Variants in SLC29A1 observed in about 807,000 individuals in gnomAD.
The protein encoded by SLC29A1 is equilibrative nucleoside transporter 1.
A neutral mutation model predicts 48.3 loss-of-function variants in SLC29A1; 22 were observed. The ratio of observed to expected loss-of-function variants is 0.46; its 90% CI spans 0.33 to 0.65. The LOEUF (loss-of-function observed/expected upper bound fraction) is 0.65, where lower values mean the gene tolerates loss of function less well. Among genes scored for constraint, SLC29A1 ranks in the 30% least tolerant of loss-of-function variants. The pLI, the probability that SLC29A1 is intolerant of heterozygous loss-of-function variation, is 0.03. For missense variants in SLC29A1, 491 were observed against 575.3 expected, an observed-to-expected ratio of 0.85 and a Z score of 1.50; for synonymous variants, 228 against 231.0, an observed-to-expected ratio of 0.99 and a Z score of 0.12.
upstream of SLC29A1, among the ~76,000 whole-genome samples, chr6:44,222,391 C>T (rs1776552120): frequency 6.6e-6 from 1 of 152,128 alleles, no homozygotes; most frequent in Admixed American, 6.5e-5. Flanking sequence ...AGAAAAGCCA[C>T]CTCTCTCCTT....
intron 9 of SLC29A1, 111 bp from the exon 10 acceptor site, chr6:44,231,887 G>A (rs1778976220): frequency 5.3e-6 from 4 of 756,854 alleles, no homozygotes; most frequent in Non-Finnish European, 9.3e-6. Flanking sequence ...GCCTCCCAAA[G>A]TGCTGAGATT....
chr6:44,219,800 GGGGGGCCTGGCGGGGCGGGGTGGGGT>G, upstream of SLC29A1: 1 of 1,262,060 alleles, frequency 7.9e-7, no homozygotes, highest in Admixed American at 2.4e-5. Context: ...GGGCGGGGCC[GGGGGGCCTGGCGGGGCGGGGTGGGGT>G]GGGGGCGAGG....
At chr6:44,233,099 C>T (rs1171714354) in intron 12 of SLC29A1, 93 bp downstream of exon 12, 2 of 1,317,864 alleles carry the variant, frequency 1.5e-6, no homozygotes. Context: ...AAGGAGAGTC[C>T]CTGCTCCCAG....
chr6:44,224,747 G>T (rs982418712), intron 1 of SLC29A1, among the ~76,000 whole-genome samples: 2 of 152,170 alleles, frequency 1.3e-5, no homozygotes, highest in African/African-American at 4.8e-5. Flanking sequence ...TGGGAGTCTG[G>T]AGGCAGGGAG....
chr6:44,223,932 G>T lies in SLC29A1; in HGVS notation c.-52+291G>T. 4.0e-6 allele frequency: 4 copies of T among 990,686 alleles called. No homozygotes were observed. Among genetic ancestry groups the T allele is most frequent in the Non-Finnish European group, 3.6e-6 (3 of 833,486 alleles). The allele number at this position is 990,686 out of a possible 1,614,324, so 61.4% of individuals were successfully genotyped here. ...TGACCTCCGCAAGGGGCAGGCGAGT[G>T]GACGGGTGATCCCCATCGATCTGGT... On this transcript the variant is annotated intron_variant, in intron 1 of 12. Coordinates refer to ENST00000371755, the MANE Select transcript of SLC29A1 (RefSeq NM_001372327.1). This position sits in a 1 kb window ranked among gnomAD's most constrained non-coding sequence, Gnocchi z 5.0.
chr6:44,228,894 C>T (rs1205846156), intron 2 of SLC29A1, among the ~76,000 whole-genome samples: 1 of 152,220 alleles, frequency 6.6e-6, no homozygotes, highest in East Asian at 1.9e-4. Context: ...CCCACCTGCC[C>T]TGTAGGTCCA....
chr6:44,221,691 T>C (rs1443831831), upstream of SLC29A1: 6 of 1,281,186 alleles, frequency 4.7e-6, no homozygotes, highest in Admixed American at 4.6e-5. The surrounding 1 kb of genome is among the most constrained non-coding windows in gnomAD (Gnocchi z 4.2). Flanking sequence ...CCTGTGTAAG[T>C]TGGGGCTCCC....
At chr6:44,233,230 G>A (rs114197829) in intron 12 of SLC29A1, among the ~76,000 whole-genome samples, 187 bp from the exon 13 acceptor site, 1,850 of 152,272 alleles carry the variant, frequency 0.012, 38 homozygotes, top group African/African-American at 0.042. Flanking sequence ...AGGAGTGAAA[G>A]ACAACCCCAC....
rs1488507417 is a variant in SLC29A1 at position 44,232,117 on chromosome 6, C to T, written c.973+11C>T. ...GCAGCAGCACCTGGGGTGAGGATGC[C>T]ACAGGTTTCCAGGATGGGAACAGAC... is the stretch of plus-strand genomic sequence containing the variant. On this transcript the variant is annotated intron_variant, in intron 10 of 12. Coordinates refer to ENST00000371755, the MANE Select transcript of SLC29A1 (RefSeq NM_001372327.1). The surrounding 1 kb of genome is among the most constrained non-coding windows in gnomAD (Gnocchi z 4.7). 2.5e-6 allele frequency: 4 copies of T among 1,594,676 alleles called. No individual in the cohort carries two copies. Among genetic ancestry groups the T allele is most frequent in the Non-Finnish European group, 3.4e-6 (4 of 1,162,420 alleles).
Position 44,233,839 on chromosome 6 carries a change from C to T in SLC29A1, c.*311C>T. 1 of 399,000 alleles carries T rather than the reference C, an allele frequency of 2.5e-6. No homozygotes were observed. The highest frequency in any genetic ancestry group is 4.6e-6 in the Non-Finnish European group (1 of 215,584). The allele number at this position is 399,000 out of a possible 1,614,324, so 24.7% of individuals were successfully genotyped here. On this transcript the variant is annotated 3_prime_UTR_variant, in exon 13 of 13. Transcript: ENST00000371755. ...AGTGGAGGCTCTTGGGCTTGGAGAA[C>T]ACGTGTGTCTCTGTGTATGTGTCTG...
intron 9 of SLC29A1, 101 bp downstream of exon 9, chr6:44,231,562 A>AGT: frequency 1.3e-6 from 1 of 780,736 alleles, no homozygotes; most frequent in Non-Finnish European, 2.2e-6. Flanking sequence ...CTGACCTGAG[A>AGT]GTGGTCACTC....
At position 44,230,852 on chromosome 6, in the gene SLC29A1, C is replaced by G. The variant is rs762995151; in HGVS notation, c.729C>G (p.Pro243=). The change falls in exon 8 of 13, where the codon CCC becomes CCG. Residue 243 remains proline (P), a synonymous_variant. Transcript: ENST00000371755. ...ACCAGCAGCTCAAGCTTGAAGGACCCGGGGAGCAGGAGACCAAGTTGGACC... is the reference window on the plus strand; with the variant it reads ...ACCAGCAGCTCAAGCTTGAAGGACCGGGGGAGCAGGAGACCAAGTTGGACC... ...RYYQQLKLEG[P]GEQETKLDLI... is the part of the protein sequence containing the mutation. 6.2e-7 allele frequency: 1 copy of G among 1,613,946 alleles called. No individual in the cohort carries two copies. The highest frequency in any genetic ancestry group is 1.3e-5 in the African/African-American group (1 of 74,880).
Position 44,227,234 on chromosome 6 carries a change from G to GC in SLC29A1, c.-51-29_-51-28insC, listed in dbSNP as rs201589668. The GC allele has an allele frequency of 1.7e-3, 2,740 of 1,602,578 alleles. 47 individuals carry two copies. The African/African-American group carries it at 0.032, about 19-fold the overall frequency. ...GGAGGCCTATGGCAGGGCCAAGACA[G>GC]GGCCTCACACTGTTCCTGCCCCCAG... On this transcript the variant is annotated intron_variant, in intron 1 of 12. Coordinates refer to ENST00000371755, the MANE Select transcript of SLC29A1 (RefSeq NM_001372327.1).
chr6:44,232,230 G>T lies in SLC29A1; in HGVS notation c.974-113G>T. 8.7e-7 allele frequency: 1 copy of T among 1,152,178 alleles called. No homozygotes were observed. Among genetic ancestry groups the T allele is most frequent in the South Asian group, 1.2e-5 (1 of 80,972 alleles). The allele number at this position is 1,152,178 out of a possible 1,614,324, so 71.4% of individuals were successfully genotyped here. On this transcript the variant is annotated intron_variant, in intron 10 of 12. Coordinates refer to ENST00000371755, the MANE Select transcript of SLC29A1 (RefSeq NM_001372327.1). The surrounding 1 kb of genome is among the most constrained non-coding windows in gnomAD (Gnocchi z 4.7). ...CCTGGGTCCATTTGCCCTTCCCTGG[G>T]CTGGAAGCATCTTCTCCATTTTACT...
At chr6:44,220,540 T>C (rs6914414), upstream of SLC29A1, among the ~76,000 whole-genome samples, 145,623 of 151,250 alleles carry the variant, frequency 0.96, 70,138 homozygotes, top group East Asian at 1. Flanking sequence ...AAGGGCTGGG[T>C]GTGGTGGCTC....
upstream of SLC29A1, among the ~76,000 whole-genome samples, chr6:44,220,371 A>G (rs1471594510): frequency 1.4e-5 from 2 of 144,004 alleles, no homozygotes; most frequent in African/African-American, 5.1e-5. Context: ...TTTTTAAGAG[A>G]CAGAGTCTCC....
chr6:44,231,839 G>A (rs967160406), intron 9 of SLC29A1, among the ~76,000 whole-genome samples, 159 bp from the exon 10 acceptor site: 16 of 152,104 alleles, frequency 1.1e-4, no homozygotes, highest in Admixed American at 4.6e-4. Flanking sequence ...GGTCAAGCTG[G>A]TCTCAAACTC....
At chr6:44,224,353 C>T (rs1373216890) in intron 1 of SLC29A1, among the ~76,000 whole-genome samples, 1 of 151,552 alleles carries the variant, frequency 6.6e-6, no homozygotes, top group Non-Finnish European at 1.5e-5. Flanking sequence ...GTAAGCTCCC[C>T]ATGCCAGGAT....
chr6:44,224,527 G>A (rs964861360), intron 1 of SLC29A1, among the ~76,000 whole-genome samples: 1 of 151,976 alleles, frequency 6.6e-6, no homozygotes, highest in Non-Finnish European at 1.5e-5. Context: ...ATTCCAAAAG[G>A]AGCTTGAACA....
Sources: gnomAD v4.1 joint callset for allele counts (sites outside exome capture counted in the v4.1 genomes callset) on GRCh38, gnomAD v4.1.1 for gene constraint, Gnocchi (gnomAD v3.1) non-coding constraint, MANE v1.5 for transcripts, NCBI Gene and HGNC (gene_info 2026-07-23, HGNC 2026-07-21) for gene names.